CTNNA3: variants seen among roughly 807,000 people sequenced by gnomAD.
CTNNA3 encodes catenin alpha-3.
Under a neutral mutation model 95.7 loss-of-function variants are expected in CTNNA3, and 76 were observed. That is an observed-to-expected ratio of 0.79 (90% CI 0.66 to 0.96). The LOEUF (loss-of-function observed/expected upper bound fraction) is 0.96. CTNNA3 is among the 40% of genes least tolerant of loss of function. CTNNA3 has a pLI of 0.00. For missense variants in CTNNA3, 1,191 were observed against 1,089.8 expected (o/e 1.09, Z -1.31); for synonymous variants, 431 against 374.4 (o/e 1.15, Z -1.74).
chr10:67,702,826 T>C (rs1841051937), intron 1 of CTNNA3, among the ~76,000 whole-genome samples: 1 of 152,068 alleles, frequency 6.6e-6, no homozygotes, highest in Non-Finnish European at 1.5e-5. Context: ...AGAAAATTAA[T>C]GAATCCAGGA....
chr10:67,032,601 A>G (rs1312925854), intron 7 of CTNNA3, among the ~76,000 whole-genome samples: 3 of 152,210 alleles, frequency 2.0e-5, no homozygotes, highest in Admixed American at 6.5e-5. Context: ...GACAGATGTT[A>G]TTGATGTAAT....
At chr10:66,178,440 T>TACATAC (rs1554880300) in intron 13 of CTNNA3, among the ~76,000 whole-genome samples, 16 of 105,756 alleles carry the variant, frequency 1.5e-4, no homozygotes, top group Non-Finnish European at 2.9e-4. Context: ...TATATATATA[T>TACATAC]ATACACACAC....
chr10:66,617,747 G>A (rs554611166), intron 10 of CTNNA3, among the ~76,000 whole-genome samples: 2 of 151,942 alleles, frequency 1.3e-5, no homozygotes, highest in East Asian at 1.9e-4. Flanking sequence ...AGGGTATTCA[G>A]TTAGGAAAAG....
At chr10:67,247,301 G>A (rs1278575088) in intron 5 of CTNNA3, among the ~76,000 whole-genome samples, 2 of 152,146 alleles carry the variant, frequency 1.3e-5, no homozygotes, top group Non-Finnish European at 2.9e-5. Flanking sequence ...AAATAAGATT[G>A]ATACAGTTCG....
chr10:66,514,184 G>T (rs12254565), intron 11 of CTNNA3, among the ~76,000 whole-genome samples: 4,839 of 152,138 alleles, frequency 0.032, 256 homozygotes, highest in African/African-American at 0.11. Context: ...CACATTAAAG[G>T]AATTAAGAAG....
chr10:67,007,835 C>A (rs1852095500), intron 7 of CTNNA3, among the ~76,000 whole-genome samples: 1 of 151,868 alleles, frequency 6.6e-6, no homozygotes, highest in South Asian at 2.1e-4. Flanking sequence ...CCATTCACCT[C>A]AAAATAGCCA....
At position 66,747,663 on chromosome 10, in the gene CTNNA3, G is replaced by A. The variant is rs6480209; in HGVS notation, c.1281+18601C>T. On this transcript the variant is annotated intron_variant, in intron 9 of 17. Transcript: ENST00000433211. The stretch of plus-strand genomic sequence containing the variant: ...GAAATTACATGTGGGTTGGTCATGG[G>A]AATGTGGTTTTCATATACTGGGGGA... 0.48 allele frequency among the ~76,000 whole-genome samples: 72,298 copies of A among 151,872 alleles called. 19,006 individuals carry two copies. The highest frequency in any genetic ancestry group is 0.72 in the African/African-American group (29,784 of 41,428).
At chr10:67,447,619 G>T (rs893405656) in intron 5 of CTNNA3, among the ~76,000 whole-genome samples, 2 of 152,038 alleles carry the variant, frequency 1.3e-5, no homozygotes, top group African/African-American at 4.8e-5. Flanking sequence ...TATTCAGGTC[G>T]CTGCTCAATG....
At chr10:66,904,756 A>C (rs74832234) in intron 7 of CTNNA3, among the ~76,000 whole-genome samples, 3,244 of 152,326 alleles carry the variant, frequency 0.021, 97 homozygotes, top group African/African-American at 0.069. Flanking sequence ...AGCAGCCAAC[A>C]CACACTTGAA....
intron 5 of CTNNA3, among the ~76,000 whole-genome samples, chr10:67,477,664 C>T (rs967675201): frequency 7.2e-5 from 11 of 152,100 alleles, no homozygotes; most frequent in African/African-American, 2.7e-4. Context: ...AACAATATTA[C>T]AAGGAAAGAA....
intron 7 of CTNNA3, among the ~76,000 whole-genome samples, chr10:67,119,174 G>C (rs553396858): frequency 5.2e-4 from 79 of 152,012 alleles, no homozygotes; most frequent in African/African-American, 1.9e-3. Context: ...GAAGTACTGA[G>C]AGTGAGAATT....
At chr10:66,333,835 A>T (rs1252694276) in intron 12 of CTNNA3, among the ~76,000 whole-genome samples, 3 of 151,504 alleles carry the variant, frequency 2.0e-5, no homozygotes, top group East Asian at 1.9e-4. Flanking sequence ...GGGGTGTTAA[A>T]GTCTCCCATT....
upstream of CTNNA3, among the ~76,000 whole-genome samples, chr10:67,699,660 G>C (rs1841018396): frequency 6.6e-6 from 1 of 152,210 alleles, no homozygotes; most frequent in Admixed American, 6.5e-5. Flanking sequence ...GGCTGAATAG[G>C]AACAGCTCCG....
At chr10:66,446,474 C>T (rs1050013790) in intron 11 of CTNNA3, among the ~76,000 whole-genome samples, 5 of 151,562 alleles carry the variant, frequency 3.3e-5, no homozygotes, top group African/African-American at 1.2e-4. Context: ...AGTTTATCCA[C>T]CATGATCAAG....
At chr10:66,678,070 G>T (rs1158758717) in intron 9 of CTNNA3, among the ~76,000 whole-genome samples, 1 of 152,084 alleles carries the variant, frequency 6.6e-6, no homozygotes, top group Non-Finnish European at 1.5e-5. Context: ...CAATCTAAAG[G>T]TCCATCTTCC....
intron 7 of CTNNA3, among the ~76,000 whole-genome samples, chr10:66,931,062 G>C (rs1284504977): frequency 6.6e-6 from 1 of 151,870 alleles, no homozygotes; most frequent in Non-Finnish European, 1.5e-5. Flanking sequence ...GGTACTTTCT[G>C]GACTACATAT....
At chr10:67,269,246 G>A (rs1838848063) in intron 5 of CTNNA3, among the ~76,000 whole-genome samples, 1 of 152,054 alleles carries the variant, frequency 6.6e-6, no homozygotes, top group Non-Finnish European at 1.5e-5. Flanking sequence ...TGAACAAGTG[G>A]CTTATCTAGA....
intron 7 of CTNNA3, among the ~76,000 whole-genome samples, chr10:67,013,727 AT>A (rs1453583904): frequency 6.6e-6 from 1 of 152,106 alleles, no homozygotes. Flanking sequence ...TATAATCAAA[AT>A]TTTCCTTTAA....
intron 12 of CTNNA3, among the ~76,000 whole-genome samples, chr10:66,286,515 A>T (rs922414838): frequency 2.0e-5 from 3 of 152,030 alleles, no homozygotes; most frequent in African/African-American, 7.2e-5. Flanking sequence ...ACAGGGAAAA[A>T]GTTAAAGAAA....
Sources: allele counts gnomAD v4.1 joint callset (sites outside exome capture counted in the v4.1 genomes callset), GRCh38; gene constraint gnomAD v4.1.1; transcripts MANE v1.5; gene names NCBI Gene and HGNC (gene_info 2026-07-23, HGNC 2026-07-21).